CLASP1: variants seen among roughly 807,000 people sequenced by gnomAD.
The protein encoded by CLASP1 is cytoplasmic linker associated protein 1.
In CLASP1, 38 loss-of-function variants were observed where a neutral mutation model predicts 192.3. The observed-to-expected ratio is 0.20, with a 90% CI of 0.15 to 0.26. The LOEUF (loss-of-function observed/expected upper bound fraction) is 0.26, where lower values mean the gene tolerates loss of function less well. Ranked by LOEUF, CLASP1 falls within the 10% of genes least tolerant of loss-of-function variation. The pLI is 1.00. For missense variants in CLASP1, 1,433 were observed against 1,932.5 expected, an observed-to-expected ratio of 0.74 and a Z score of 4.85; for synonymous variants, 691 against 712.8, an observed-to-expected ratio of 0.97 and a Z score of 0.49.
intron 6 of CLASP1, among the ~76,000 whole-genome samples, chr2:121,522,053 G>A (rs947790331): frequency 2.0e-5 from 3 of 152,222 alleles, no homozygotes; most frequent in African/African-American, 7.2e-5. Flanking sequence ...AATTAACTTG[G>A]TTAGTATCGG....
intron 22 of CLASP1, among the ~76,000 whole-genome samples, chr2:121,422,794 T>G (rs74853191): frequency 6.6e-6 from 1 of 152,134 alleles, no homozygotes; most frequent in African/African-American, 2.4e-5. Flanking sequence ...AGAGGCATAG[T>G]TGAACCAAAC....
chr2:121,530,880 A>T (rs769805188), intron 2 of CLASP1: 1 of 691,936 alleles, frequency 1.4e-6, no homozygotes. Context: ...TTTCTATTAT[A>T]ACCATCCTTT....
intron 1 of CLASP1, among the ~76,000 whole-genome samples, chr2:121,632,220 G>A (rs2069827521): frequency 1.3e-5 from 2 of 152,078 alleles, no homozygotes; most frequent in South Asian, 2.1e-4. Context: ...CTCTAGCCTG[G>A]GCGACAGAGC....
chr2:121,498,450 G>A (rs1397849541), intron 8 of CLASP1, among the ~76,000 whole-genome samples: 1 of 152,040 alleles, frequency 6.6e-6, no homozygotes, highest in Non-Finnish European at 1.5e-5. Context: ...CAGATAATCT[G>A]CCTGTCTCGG....
At chr2:121,342,045 A>G (rs920426265) in intron 39 of CLASP1, among the ~76,000 whole-genome samples, 3 of 152,232 alleles carry the variant, frequency 2.0e-5, no homozygotes, top group Non-Finnish European at 2.9e-5. Flanking sequence ...ATTTATAAAA[A>G]TTGAGTTAAC....
At chr2:121,406,035 C>T (rs9308625) in intron 25 of CLASP1, among the ~76,000 whole-genome samples, 38,408 of 152,108 alleles carry the variant, frequency 0.25, 7,737 homozygotes, top group African/African-American at 0.56. Context: ...ATTTCATGTA[C>T]TCTAAGTTGC....
At chr2:121,372,077 C>T (rs1169253368) in intron 34 of CLASP1, among the ~76,000 whole-genome samples, 2 of 152,112 alleles carry the variant, frequency 1.3e-5, no homozygotes, top group East Asian at 1.9e-4. Flanking sequence ...AGCCCATTCT[C>T]GAAGGAAAGG....
Position 121,355,798 on chromosome 2 carries a change from T to C in CLASP1, c.4207-7080A>G, listed in dbSNP as rs1207975333. Among the ~76,000 whole-genome samples, 6 of 152,092 alleles carry C rather than the reference T, an allele frequency of 3.9e-5. No individual in the cohort carries two copies. In the East Asian group the frequency reaches 1.2e-3, roughly 29 times the overall value. On this transcript the variant is annotated intron_variant, in intron 37 of 39. Coordinates refer to ENST00000263710, the Ensembl canonical transcript of CLASP1. ...ACAAGGTGGCCAGAAGTGGCAAGGA[T>C]TTAGAAAGGGGTGAGGGACTATTCA...
intron 2 of CLASP1, among the ~76,000 whole-genome samples, chr2:121,581,571 G>A (rs1192043116): frequency 1.3e-5 from 2 of 152,108 alleles, no homozygotes; most frequent in Admixed American, 1.3e-4. Flanking sequence ...ACCGCGCCCG[G>A]CCCCTTTTGT....
At chr2:121,594,630 A>T (rs939852808) in intron 2 of CLASP1, among the ~76,000 whole-genome samples, 2 of 152,068 alleles carry the variant, frequency 1.3e-5, no homozygotes, top group Admixed American at 1.3e-4. Flanking sequence ...TGACCTCGTG[A>T]TCTGCCCGCC....
At chr2:121,399,516 T>G (rs1380581525) in intron 28 of CLASP1, among the ~76,000 whole-genome samples, 1 of 152,172 alleles carries the variant, frequency 6.6e-6, no homozygotes, top group African/African-American at 2.4e-5. Context: ...GAAAGGAAAT[T>G]GAGGCAGATT....
chr2:121,569,481 A>C (rs973766709), intron 2 of CLASP1, among the ~76,000 whole-genome samples: 1 of 152,220 alleles, frequency 6.6e-6, no homozygotes, highest in African/African-American at 2.4e-5. Flanking sequence ...TAAATGTTTT[A>C]ATTTTATTTT....
chr2:121,508,719 G>A (rs1327147373), intron 7 of CLASP1, among the ~76,000 whole-genome samples: 2 of 152,136 alleles, frequency 1.3e-5, no homozygotes, highest in Non-Finnish European at 2.9e-5. Context: ...GGAACTGGGG[G>A]TACATGCCAC....
At chr2:121,620,219 T>C (rs1349990650) in intron 1 of CLASP1, among the ~76,000 whole-genome samples, 1 of 137,308 alleles carries the variant, frequency 7.3e-6, no homozygotes, top group Non-Finnish European at 1.6e-5. Context: ...AGATTCTGTC[T>C]CAAAAAAAAA....
At chr2:121,434,586 T>C (rs1448323987) in intron 19 of CLASP1, among the ~76,000 whole-genome samples, 1 of 152,172 alleles carries the variant, frequency 6.6e-6, no homozygotes, top group Non-Finnish European at 1.5e-5. Context: ...TTTAAAACTC[T>C]ACTGATCCAC....
At chr2:121,471,062 T>G (rs1274507037) in intron 8 of CLASP1, among the ~76,000 whole-genome samples, 1 of 152,182 alleles carries the variant, frequency 6.6e-6, no homozygotes, top group African/African-American at 2.4e-5. Context: ...ATGGGAGGAC[T>G]GCTTGAGGCC....
intron 13 of CLASP1, 69 bp from the exon 14 acceptor site, chr2:121,457,826 C>T: frequency 9.3e-7 from 1 of 1,071,088 alleles, no homozygotes; most frequent in South Asian, 1.3e-5. Flanking sequence ...TTAAGAGAAT[C>T]ACTTCCTTAC....
chr2:121,350,360 T>C (rs2064135678), intron 37 of CLASP1, among the ~76,000 whole-genome samples: 3 of 152,200 alleles, frequency 2.0e-5, no homozygotes, highest in Admixed American at 2.0e-4. Context: ...AAGAAGTCTG[T>C]ACAAGTCAGG....
intron 2 of CLASP1, among the ~76,000 whole-genome samples, chr2:121,583,163 G>A: frequency 6.6e-6 from 1 of 152,080 alleles, no homozygotes; most frequent in East Asian, 1.9e-4. Context: ...GCTCTTCCAA[G>A]CATCTGCTGA....
Sources: gnomAD v4.1 joint callset for allele counts (sites outside exome capture counted in the v4.1 genomes callset) on GRCh38, gnomAD v4.1.1 for gene constraint, MANE v1.5 for transcripts, NCBI Gene and HGNC (gene_info 2026-07-23, HGNC 2026-07-21) for gene names.